The following TEAD1 variants were observed in gnomAD, a reference collection of about 807,000 sequenced individuals.
TEAD1 encodes the protein transcriptional enhancer factor TEF-1.
A neutral mutation model predicts 54.9 loss-of-function variants in TEAD1; 9 were observed. The ratio of observed to expected loss-of-function variants is 0.16; its 90% CI spans 0.10 to 0.29. The LOEUF is 0.29. Ranked by LOEUF, TEAD1 falls within the 10% of genes least tolerant of loss-of-function variation. The pLI is 1.00. For missense variants in TEAD1, 387 were observed against 535.9 expected, an observed-to-expected ratio of 0.72 and a Z score of 2.74; for synonymous variants, 200 against 187.8, an observed-to-expected ratio of 1.07 and a Z score of -0.53.
intron 2 of TEAD1, among the ~76,000 whole-genome samples, chr11:12,701,198 A>G (rs777404816): frequency 6.6e-6 from 1 of 152,284 alleles, no homozygotes; most frequent in Non-Finnish European, 1.5e-5. Flanking sequence ...CTTAGAGAAC[A>G]CTGGGAACTG....
chr11:12,773,513 C>T (rs1296917766), intron 3 of TEAD1, among the ~76,000 whole-genome samples: 2 of 152,202 alleles, frequency 1.3e-5, no homozygotes, highest in Admixed American at 6.5e-5. Flanking sequence ...TCCTTAAAGA[C>T]TAACGATGTT....
chr11:12,735,157 C>T lies in TEAD1; in HGVS notation c.-54-29022C>T, dbSNP rs573495107. Among the ~76,000 whole-genome samples, 3 of 152,158 alleles carry T rather than the reference C, an allele frequency of 2.0e-5. No individual in the cohort carries two copies. In the South Asian group the frequency reaches 6.2e-4, roughly 32 times the overall value. ...AGTTGAAACCTTTGGGAAGTCTGGCCCAGGACTTTAAAAATGTTTTTTCCG... is the reference window on the plus strand; with the variant it reads ...AGTTGAAACCTTTGGGAAGTCTGGCTCAGGACTTTAAAAATGTTTTTTCCG... On this transcript the variant is annotated intron_variant, in intron 2 of 12. Transcript: ENST00000527636.
chr11:12,852,095 A>G (rs889355204), intron 3 of TEAD1, among the ~76,000 whole-genome samples: 1 of 152,192 alleles, frequency 6.6e-6, no homozygotes, highest in South Asian at 2.1e-4. Context: ...AGAGAAGAGA[A>G]AGAACATGTA....
At chr11:12,918,060 G>A (rs1430030815) in intron 10 of TEAD1, among the ~76,000 whole-genome samples, 1 of 152,050 alleles carries the variant, frequency 6.6e-6, no homozygotes, top group Non-Finnish European at 1.5e-5. Flanking sequence ...CTCTGATAGT[G>A]GTACATTTTT....
chr11:12,816,711 CTATT>C (rs1053743403), intron 3 of TEAD1, among the ~76,000 whole-genome samples: 3 of 152,232 alleles, frequency 2.0e-5, no homozygotes, highest in East Asian at 1.9e-4. Context: ...CACCCTGTGG[CTATT>C]TATTTAGCAC....
At chr11:12,694,358 G>C (rs1280572740) in intron 2 of TEAD1, among the ~76,000 whole-genome samples, 1 of 151,744 alleles carries the variant, frequency 6.6e-6, no homozygotes, top group African/African-American at 2.4e-5. Flanking sequence ...GCTCTGGCCT[G>C]TCTCTTGCTT....
chr11:12,903,362 A>G (rs762623190), intron 10 of TEAD1, among the ~76,000 whole-genome samples: 15 of 152,230 alleles, frequency 9.9e-5, no homozygotes, highest in Non-Finnish European at 1.6e-4. Flanking sequence ...AGAACCTTAC[A>G]CAACAAAGCC....
At chr11:12,797,574 AAACT>A (rs1365230046) in intron 3 of TEAD1, among the ~76,000 whole-genome samples, 2 of 148,620 alleles carry the variant, frequency 1.3e-5, no homozygotes, top group Non-Finnish European at 3.0e-5. Flanking sequence ...TTTTTTTTTT[AAACT>A]AACCTTTCTT....
chr11:12,853,891 G>A (rs1025589913), intron 3 of TEAD1, among the ~76,000 whole-genome samples: 1 of 152,214 alleles, frequency 6.6e-6, no homozygotes, highest in Non-Finnish European at 1.5e-5. Flanking sequence ...GAAGTTCTGA[G>A]TAACCAGGAG....
chr11:12,738,997 A>G (rs1381995038), intron 2 of TEAD1, among the ~76,000 whole-genome samples: 3 of 152,292 alleles, frequency 2.0e-5, no homozygotes, highest in East Asian at 3.9e-4. Flanking sequence ...TCAGCCTGAC[A>G]TAGGTATCCA....
At chr11:12,698,677 A>G (rs1943637105) in intron 2 of TEAD1, among the ~76,000 whole-genome samples, 1 of 152,156 alleles carries the variant, frequency 6.6e-6, no homozygotes, top group African/African-American at 2.4e-5. Context: ...GAAAAGTTTG[A>G]GAATTTAGGT....
intron 3 of TEAD1, among the ~76,000 whole-genome samples, chr11:12,780,381 T>C: frequency 6.6e-6 from 1 of 151,818 alleles, no homozygotes; most frequent in East Asian, 1.9e-4. Context: ...GTAACTGGGA[T>C]TACAGGTGCC....
intron 3 of TEAD1, among the ~76,000 whole-genome samples, chr11:12,774,104 G>A (rs80032940): frequency 0.034 from 5,106 of 152,272 alleles, 111 homozygotes; most frequent in Non-Finnish European, 0.055. Flanking sequence ...TAGGCCATGA[G>A]GCATGCTGTT....
At chr11:12,717,383 T>C (rs77121272) in intron 2 of TEAD1, among the ~76,000 whole-genome samples, 3,329 of 152,304 alleles carry the variant, frequency 0.022, 138 homozygotes, top group African/African-American at 0.077. Flanking sequence ...TCTTGACTGA[T>C]GGAAGCTTTG....
intron 2 of TEAD1, among the ~76,000 whole-genome samples, chr11:12,711,526 G>T (rs1219741046): frequency 3.3e-5 from 5 of 152,102 alleles, no homozygotes; most frequent in Admixed American, 3.3e-4. Flanking sequence ...GGGGTCCCTG[G>T]CTGGTGAAGG....
intron 2 of TEAD1, among the ~76,000 whole-genome samples, chr11:12,758,405 G>GTTTTTT (rs1200374096): frequency 3.5e-5 from 3 of 85,728 alleles, no homozygotes; most frequent in Non-Finnish European, 4.5e-5. Context: ...CGCCCAGCTA[G>GTTTTTT]TTTTTTTTTT....
intron 3 of TEAD1, among the ~76,000 whole-genome samples, chr11:12,781,610 C>A (rs991777940): frequency 6.7e-6 from 1 of 149,516 alleles, no homozygotes; most frequent in Admixed American, 6.7e-5. Flanking sequence ...AACTACACTG[C>A]GATATCACTT....
At chr11:12,690,341 G>A (rs1179637429) in intron 2 of TEAD1, among the ~76,000 whole-genome samples, 3 of 151,594 alleles carry the variant, frequency 2.0e-5, no homozygotes, top group Admixed American at 6.6e-5. Context: ...TTCATAGTTG[G>A]CTGGTCTAGA....
chr11:12,843,040 A>G (rs1947072866), intron 3 of TEAD1, among the ~76,000 whole-genome samples: 1 of 152,026 alleles, frequency 6.6e-6, no homozygotes, highest in East Asian at 1.9e-4. Context: ...TCCAGGAAAA[A>G]AAAAATTTTT....
Sources: allele counts gnomAD v4.1 joint callset (sites outside exome capture counted in the v4.1 genomes callset), GRCh38; gene constraint gnomAD v4.1.1; transcripts MANE v1.5; gene names NCBI Gene and HGNC (gene_info 2026-07-23, HGNC 2026-07-21).